EPHA5: variants seen among roughly 807,000 people sequenced by gnomAD.
EPHA5 encodes the protein ephrin type-A receptor 5.
A neutral mutation model predicts 105.0 loss-of-function variants in EPHA5; 60 were observed. That is an observed-to-expected ratio of 0.57 (90% CI 0.46 to 0.71). The LOEUF is 0.71. Ranked by LOEUF, EPHA5 falls within the 30% of genes least tolerant of loss-of-function variation. The pLI is 0.00. For missense variants in EPHA5, 1,218 were observed against 1,274.7 expected (o/e 0.96, Z 0.68); for synonymous variants, 513 against 449.1 (o/e 1.14, Z -1.80).
intron 6 of EPHA5, among the ~76,000 whole-genome samples, chr4:65,415,756 T>C (rs1723326851): frequency 6.6e-6 from 1 of 152,070 alleles, no homozygotes; most frequent in South Asian, 2.1e-4. Flanking sequence ...AAACTTTACC[T>C]AATAATACCA....
intron 4 of EPHA5, among the ~76,000 whole-genome samples, chr4:65,492,114 AAC>A (rs1731457762): frequency 6.6e-6 from 1 of 152,128 alleles, no homozygotes; most frequent in South Asian, 2.1e-4. Context: ...ATTTTTAACT[AAC>A]ATTTATTAAG....
intron 5 of EPHA5, among the ~76,000 whole-genome samples, chr4:65,425,568 A>T (rs1259454857): frequency 6.6e-6 from 1 of 152,062 alleles, no homozygotes; most frequent in African/African-American, 2.4e-5. Flanking sequence ...GGAAGTAATT[A>T]AGGCAAACCA....
At position 65,365,010 on chromosome 4, in the gene EPHA5, T is replaced by C. The variant is rs922288001; in HGVS notation, c.2173+7A>G. The stretch of plus-strand genomic sequence containing the variant: ...CACACACATGTATAATTTGCCATCA[T>C]ACTTACTTTTGGTCACCACACCTTC... On this transcript the variant is annotated splice_region_variant and intron_variant, in intron 11 of 16. Transcript: ENST00000613740. 25 of 1,609,590 alleles carry C rather than the reference T, an allele frequency of 1.6e-5. No homozygotes were observed. The highest frequency in any genetic ancestry group is 2.0e-5 in the Non-Finnish European group (23 of 1,177,068).
intron 11 of EPHA5, among the ~76,000 whole-genome samples, chr4:65,361,176 T>A (rs1217222957): frequency 6.6e-6 from 1 of 151,590 alleles, no homozygotes; most frequent in African/African-American, 2.4e-5. Flanking sequence ...ACTCAGCTAT[T>A]CAACATAATT....
intron 1 of EPHA5, among the ~76,000 whole-genome samples, chr4:65,655,520 A>T (rs1021896525): frequency 2.0e-5 from 3 of 152,110 alleles, no homozygotes; most frequent in Non-Finnish European, 2.9e-5. Flanking sequence ...AGCAATGTCA[A>T]ATTGCAATAA....
rs193049842 is a variant in EPHA5 at position 65,428,255 on chromosome 4, C to T, written c.1403-7690G>A. 6.6e-4 allele frequency among the ~76,000 whole-genome samples: 100 copies of T among 152,084 alleles called. 1 individual carries two copies. Among genetic ancestry groups the T allele is most frequent in the African/African-American group, 2.1e-3 (87 of 41,538 alleles). Reference sequence around the variant, plus strand: ...AGAAAAGTAAGGCAGACATAATATACACACTCACAAATGTGCAATATTATA... The same window carrying T: ...AGAAAAGTAAGGCAGACATAATATATACACTCACAAATGTGCAATATTATA... On this transcript the variant is annotated intron_variant, in intron 5 of 16. Coordinates refer to ENST00000613740, the MANE Select transcript of EPHA5 (RefSeq NM_001281766.3).
intron 3 of EPHA5, chr4:65,574,266 G>C: frequency 6.3e-7 from 1 of 1,591,820 alleles, no homozygotes; most frequent in South Asian, 1.1e-5. Context: ...TCAGCTCCAG[G>C]GCTAGTTGCG....
At chr4:65,367,982 T>C (rs1194301663) in intron 8 of EPHA5, among the ~76,000 whole-genome samples, 1 of 151,994 alleles carries the variant, frequency 6.6e-6, no homozygotes, top group Non-Finnish European at 1.5e-5. Flanking sequence ...CAAACCTTTG[T>C]CTCTCTTCGT....
chr4:65,338,889 A>G (rs1721436455), intron 14 of EPHA5, among the ~76,000 whole-genome samples: 1 of 152,134 alleles, frequency 6.6e-6, no homozygotes, highest in Non-Finnish European at 1.5e-5. Context: ...TCATTTTCCC[A>G]TGCAACTTGT....
intron 5 of EPHA5, among the ~76,000 whole-genome samples, chr4:65,488,846 A>C (rs1224846319): frequency 6.6e-6 from 1 of 151,766 alleles, no homozygotes; most frequent in Non-Finnish European, 1.5e-5. Context: ...CAGCTTTATC[A>C]ATCAGTAGCA....
In EPHA5 at chr4:65,441,591, A is replaced by C. The variant is rs150662836; in HGVS notation, c.1403-21026T>G. Among the ~76,000 whole-genome samples, 50 of 152,266 alleles carry C rather than the reference A, an allele frequency of 3.3e-4. 3 individuals are homozygous for C. In the East Asian group the frequency reaches 9.7e-3, roughly 29 times the overall value. On this transcript the variant is annotated intron_variant, in intron 5 of 16. Transcript: ENST00000613740. The stretch of plus-strand genomic sequence containing the variant: ...AGAGATAAAGTAAGAAAGAGAAAAA[A>C]GAGCAATTGGAATGACCTAGAAGAA...
chr4:65,445,386 A>G (rs1460979619), intron 5 of EPHA5, among the ~76,000 whole-genome samples: 1 of 152,152 alleles, frequency 6.6e-6, no homozygotes, highest in East Asian at 1.9e-4. Flanking sequence ...TCAGTGTTTA[A>G]GAGCATTGAT....
At chr4:65,354,862 C>T (rs1391200683) in intron 11 of EPHA5, among the ~76,000 whole-genome samples, 2 of 151,774 alleles carry the variant, frequency 1.3e-5, no homozygotes, top group Non-Finnish European at 2.9e-5. Context: ...CTAATTCTCA[C>T]TTAATTATCT....
At chr4:65,325,873 C>A (rs986174294) in intron 16 of EPHA5, among the ~76,000 whole-genome samples, 2 of 150,992 alleles carry the variant, frequency 1.3e-5, no homozygotes, top group African/African-American at 4.9e-5. Flanking sequence ...TATTCGGCTG[C>A]ATCCTTGGCC....
intron 2 of EPHA5, among the ~76,000 whole-genome samples, chr4:65,615,337 C>T (rs959422323): frequency 2.0e-4 from 30 of 151,794 alleles, no homozygotes; most frequent in African/African-American, 7.0e-4. Context: ...TACAAAAGTT[C>T]ATGCCTAGAT....
Position 65,601,926 on chromosome 4 carries a change from C to G in EPHA5, c.625G>C (p.Gly209Arg), listed in dbSNP as rs202165566. Residue 209 changes from glycine (G) to arginine (R), a missense_variant, in exon 3 of 17, where the codon GGA becomes CGA. By Grantham distance (125) the Gly-to-Arg change is moderately radical (BLOSUM62 -2). Transcript: ENST00000613740. ...VRDVGPLSKK[G>R]FYLAFQDVGA... ...ACATCTTGAAAAGCAAGATAAAATCCCTTTTTGCTTAGAGGTCCTACATCT... is the reference window on the plus strand; with the variant it reads ...ACATCTTGAAAAGCAAGATAAAATCGCTTTTTGCTTAGAGGTCCTACATCT... The G allele has an allele frequency of 1.9e-6, 3 of 1,614,058 alleles. No homozygotes were observed. The highest frequency in any genetic ancestry group is 1.1e-5 in the South Asian group (1 of 91,068).
At chr4:65,434,184 G>A (rs1049265585) in intron 5 of EPHA5, among the ~76,000 whole-genome samples, 1 of 152,084 alleles carries the variant, frequency 6.6e-6, no homozygotes. Flanking sequence ...AGTGGGCTAG[G>A]ATAATCTCCC....
At chr4:65,520,047 C>G (rs954018707) in intron 3 of EPHA5, among the ~76,000 whole-genome samples, 11 of 151,950 alleles carry the variant, frequency 7.2e-5, no homozygotes, top group Admixed American at 3.9e-4. Context: ...CATATGGAAC[C>G]AAAAAAGAGC....
chr4:65,634,548 A>T (rs1746940223), intron 2 of EPHA5, among the ~76,000 whole-genome samples: 2 of 151,964 alleles, frequency 1.3e-5, no homozygotes, highest in African/African-American at 4.8e-5. Flanking sequence ...GAATTCCATA[A>T]ATTATTTATC....
Sources: allele counts gnomAD v4.1 joint callset (sites outside exome capture counted in the v4.1 genomes callset), GRCh38; gene constraint gnomAD v4.1.1; transcripts MANE v1.5; gene names NCBI Gene and HGNC (gene_info 2026-07-23, HGNC 2026-07-21).